Variants in PTPN14 observed in about 807,000 individuals in gnomAD.
PTPN14 encodes tyrosine-protein phosphatase non-receptor type 14.
In PTPN14, 53 loss-of-function variants were observed where a neutral mutation model predicts 126.8. That is an observed-to-expected ratio of 0.42 (90% CI 0.34 to 0.53). The LOEUF (loss-of-function observed/expected upper bound fraction) is 0.53, where lower values mean the gene tolerates loss of function less well. Ranked by LOEUF, PTPN14 falls within the 20% of genes least tolerant of loss-of-function variation. PTPN14 has a pLI of 0.08. For missense variants in PTPN14, 1,257 were observed against 1,552.9 expected (o/e 0.81, Z 3.20); for synonymous variants, 630 against 599.3 (o/e 1.05, Z -0.75).
chr1:214,455,134 A>C (rs1660355007), intron 2 of PTPN14, among the ~76,000 whole-genome samples: 1 of 152,236 alleles, frequency 6.6e-6, no homozygotes, highest in African/African-American at 2.4e-5. Context: ...AGGAAATGGA[A>C]TCAGAGCCTA....
chr1:214,517,366 T>C (rs142158562), intron 1 of PTPN14, among the ~76,000 whole-genome samples: 40 of 151,846 alleles, frequency 2.6e-4, no homozygotes, highest in Non-Finnish European at 4.7e-4. Flanking sequence ...CCTTCAAGTA[T>C]GTCTCCTTGG....
chr1:214,372,775 T>A lies in PTPN14; in HGVS notation c.2972A>T (p.His991Leu), dbSNP rs767208922. ...CTCCCACACCATCTGCCAGAAGTCGTGGCACGTGTGTGGCAGGGGCCCCTG... is the reference window on the plus strand; with the variant it reads ...CTCCCACACCATCTGCCAGAAGTCGAGGCACGTGTGTGGCAGGGGCCCCTG... The part of the protein sequence containing the change: ...ATQGPLPHTC[H>L]DFWQMVWEQG... Residue 991 changes from histidine (H) to leucine (L), a missense_variant, in exon 16 of 19, where the codon CAC becomes CTC. His to Leu is a moderately conservative substitution (Grantham distance 99, BLOSUM62 -3). This residue lies in a region of PTPN14 where 65 missense variants were observed against 139.7 expected (regional missense o/e 0.47). Coordinates refer to ENST00000366956, the MANE Select transcript of PTPN14 (RefSeq NM_005401.5). The A allele has an allele frequency of 6.2e-7, 1 of 1,614,206 alleles. No individual in the cohort carries two copies. The highest frequency in any genetic ancestry group is 1.1e-5 in the South Asian group (1 of 91,084).
At chr1:214,511,712 T>C (rs1275554968) in intron 1 of PTPN14, among the ~76,000 whole-genome samples, 1 of 152,138 alleles carries the variant, frequency 6.6e-6, no homozygotes, top group Non-Finnish European at 1.5e-5. Context: ...TGAAGAGATA[T>C]TTGCACACCC....
intron 1 of PTPN14, among the ~76,000 whole-genome samples, chr1:214,524,863 A>G (rs1336249257): frequency 1.3e-5 from 2 of 152,164 alleles, no homozygotes; most frequent in African/African-American, 4.8e-5. Context: ...CCTGTTCTCT[A>G]GAGATTTCCA....
intron 18 of PTPN14, among the ~76,000 whole-genome samples, chr1:214,358,701 G>A (rs1558067693): frequency 6.6e-6 from 1 of 151,624 alleles, no homozygotes; most frequent in Non-Finnish European, 1.5e-5. Context: ...CACATATCAA[G>A]CATTTAGTGC....
rs367888221 is a variant in PTPN14, at chr1:214,540,688, C to A, written c.-155+10495G>T. Among the ~76,000 whole-genome samples the A allele has an allele frequency of 2.0e-5, 3 of 152,126 alleles. No homozygotes were observed. In the East Asian group the frequency reaches 5.8e-4, roughly 29 times the overall value. ...CTACTACAGCAACCATGAAGCTACT[C>A]CATGGTGATGGGGGAAAAGAAAGGA... On this transcript the variant is annotated intron_variant, in intron 1 of 18. Transcript: ENST00000366956.
At chr1:214,391,541 A>T (rs2102549718) in intron 10 of PTPN14, among the ~76,000 whole-genome samples, 1 of 152,276 alleles carries the variant, frequency 6.6e-6, no homozygotes, top group African/African-American at 2.4e-5. Context: ...TTTTACAAAC[A>T]TTGATCAGAT....
intron 1 of PTPN14, among the ~76,000 whole-genome samples, chr1:214,488,453 A>C (rs1661162888): frequency 6.6e-6 from 1 of 152,204 alleles, no homozygotes; most frequent in African/African-American, 2.4e-5. Context: ...CAAAAGAATC[A>C]AAATCACTAA....
chr1:214,549,154 C>A (rs1358326273), intron 1 of PTPN14, among the ~76,000 whole-genome samples: 2 of 152,058 alleles, frequency 1.3e-5, no homozygotes, highest in Non-Finnish European at 2.9e-5. Flanking sequence ...CTGAGGTCAC[C>A]AAAAGCTGGA....
chr1:214,414,765 A>T (rs1432703692), intron 3 of PTPN14, 39 bp from the exon 4 acceptor site: 1 of 1,496,040 alleles, frequency 6.7e-7, no homozygotes, highest in African/African-American at 1.4e-5. Flanking sequence ...CCTTAAAAAC[A>T]CATACTTGGA....
At chr1:214,466,910 G>A (rs937855450) in intron 1 of PTPN14, among the ~76,000 whole-genome samples, 7 of 152,092 alleles carry the variant, frequency 4.6e-5, no homozygotes, top group Admixed American at 1.3e-4. Flanking sequence ...CCTCATGGAG[G>A]TTGTCAGGTT....
chr1:214,350,698 G>A lies in PTPN14; in HGVS notation c.*7224C>T, dbSNP rs1048291832. 3.0e-5 allele frequency: 4 copies of A among 133,054 alleles called. No individual in the cohort carries two copies. The highest frequency in any genetic ancestry group is 1.1e-4 in the African/African-American group (4 of 35,158). 8.2% of individuals were successfully genotyped at this position (133,054 alleles called of 1,614,324 possible). A position where few individuals can be genotyped will look rare whatever the true frequency, so the allele number is the denominator to read the frequency against. On this transcript the variant is annotated 3_prime_UTR_variant, in exon 19 of 19. Coordinates refer to ENST00000366956, the MANE Select transcript of PTPN14 (RefSeq NM_005401.5). ...TGGGATTACAGGCATGTGCCACCAT[G>A]CCTGGCTAATTTTTTTTTTTTTTTT... is the stretch of plus-strand genomic sequence containing the variant.
chr1:214,409,997 G>T (rs563482185), intron 5 of PTPN14, among the ~76,000 whole-genome samples: 1 of 151,936 alleles, frequency 6.6e-6, no homozygotes, highest in African/African-American at 2.4e-5. Context: ...TTTTAATAGG[G>T]CTATTTGTTT....
intron 2 of PTPN14, among the ~76,000 whole-genome samples, chr1:214,453,922 C>T (rs1165271371): frequency 1.3e-5 from 2 of 152,186 alleles, no homozygotes; most frequent in Admixed American, 1.3e-4. Context: ...CACTCTGATG[C>T]TATCCTCTGA....
chr1:214,487,219 GGAAA>G (rs1558125538), intron 1 of PTPN14, among the ~76,000 whole-genome samples: 2,019 of 151,602 alleles, frequency 0.013, 25 homozygotes, highest in Non-Finnish European at 0.024. Context: ...AAAAGGAGAA[GGAAA>G]GACAGGAATT....
intron 3 of PTPN14, among the ~76,000 whole-genome samples, chr1:214,445,435 A>T (rs1376212684): frequency 6.6e-6 from 1 of 152,156 alleles, no homozygotes; most frequent in Admixed American, 6.5e-5. Context: ...GGCTACTAAG[A>T]TGTCCTGGAA....
At chr1:214,371,055 C>T (rs1171281672) in intron 16 of PTPN14, among the ~76,000 whole-genome samples, 1 of 152,174 alleles carries the variant, frequency 6.6e-6, no homozygotes, top group Non-Finnish European at 1.5e-5. Flanking sequence ...TACATTTCTG[C>T]TGAGTGTCTA....
intron 1 of PTPN14, chr1:214,532,409 C>A: frequency 1.4e-6 from 1 of 705,546 alleles, no homozygotes; most frequent in South Asian, 1.5e-5. Context: ...GAATAGGAGG[C>A]ATCCAGAACG....
chr1:214,547,871 C>T (rs1233609747), intron 1 of PTPN14, among the ~76,000 whole-genome samples: 1 of 150,086 alleles, frequency 6.7e-6, no homozygotes, highest in African/African-American at 2.5e-5. Flanking sequence ...AGCCACATGG[C>T]AGCTGCCAGC....
Sources: allele counts gnomAD v4.1 joint callset (sites outside exome capture counted in the v4.1 genomes callset), GRCh38; gene constraint gnomAD v4.1.1; regional missense constraint gnomAD v4.1.1; transcripts MANE v1.5; gene names NCBI Gene and HGNC (gene_info 2026-07-23, HGNC 2026-07-21).